LRP1: variants seen among roughly 807,000 people sequenced by gnomAD.
LRP1 encodes the protein LDL receptor related protein 1.
A neutral mutation model predicts 541.5 loss-of-function variants in LRP1; 51 were observed. That is an observed-to-expected ratio of 0.09 (90% CI 0.08 to 0.12). The LOEUF is 0.12. Among genes scored for constraint, LRP1 ranks in the 10% least tolerant of loss-of-function variants. The pLI is 1.00. For missense variants in LRP1, 3,878 were observed against 6,376.2 expected, an observed-to-expected ratio of 0.61 and a Z score of 13.34; for synonymous variants, 2,219 against 2,470.8, an observed-to-expected ratio of 0.90 and a Z score of 3.02.
chr12:57,198,748 T>C, intron 60 of LRP1, 78 bp downstream of exon 60: 1 of 1,382,778 alleles, frequency 7.2e-7, no homozygotes, highest in Non-Finnish European at 9.9e-7. Context: ...GGATCAAGTT[T>C]TGGGGGCAAG....
intron 4 of LRP1, among the ~76,000 whole-genome samples, chr12:57,144,297 A>G (rs993691553): frequency 2.4e-4 from 37 of 152,286 alleles, no homozygotes; most frequent in African/African-American, 8.2e-4. Context: ...AGTATGTTCC[A>G]CAATTTTTTT....
At chr12:57,151,225 G>A (rs1487346503) in intron 6 of LRP1, among the ~76,000 whole-genome samples, 1 of 152,160 alleles carries the variant, frequency 6.6e-6, no homozygotes, top group African/African-American at 2.4e-5. Flanking sequence ...GAGAAAAGCT[G>A]GAGTTGTAGT....
intron 22 of LRP1, 87 bp from the exon 23 acceptor site, chr12:57,175,373 C>T (rs1056067838): frequency 6.5e-7 from 1 of 1,535,726 alleles, no homozygotes; most frequent in Non-Finnish European, 8.9e-7. Context: ...GTCCAGGCTG[C>T]CCAGGACTTG....
intron 42 of LRP1, among the ~76,000 whole-genome samples, chr12:57,188,983 G>A (rs780962711): frequency 1.2e-4 from 19 of 152,218 alleles, no homozygotes; most frequent in Non-Finnish European, 1.9e-4. Context: ...GAAGGAGCCA[G>A]TGTGGACCCC....
Position 57,185,410 on chromosome 12 carries a change from G to T in LRP1, c.6464-121G>T. 9 of 1,362,132 alleles carry T rather than the reference G, an allele frequency of 6.6e-6. No individual in the cohort carries two copies. The highest frequency in any genetic ancestry group is 2.4e-5 in the East Asian group (1 of 41,032). The allele number at this position is 1,362,132 out of a possible 1,614,324, so 84.4% of individuals were successfully genotyped here. ...TGGCATTGGACTCTGGGCCCTGGAGGGTCATTCAAGCTGGGAATACCGAGG... is the reference window on the plus strand; with the variant it reads ...TGGCATTGGACTCTGGGCCCTGGAGTGTCATTCAAGCTGGGAATACCGAGG... On this transcript the variant is annotated intron_variant, in intron 40 of 88. Transcript: ENST00000243077. This position sits in a 1 kb window ranked among gnomAD's most constrained non-coding sequence, Gnocchi z 4.9.
Position 57,201,181 on chromosome 12 carries a change from G to A in LRP1, c.10345+28G>A. ...GAGTGTCAGAGGTGGTGGTGGGCCG[G>A]TGGTGGGAGATGACACGGAAGCAGG... On this transcript the variant is annotated intron_variant, in intron 65 of 88. Coordinates refer to ENST00000243077, the MANE Select transcript of LRP1 (RefSeq NM_002332.3). This position sits in a 1 kb window ranked among gnomAD's most constrained non-coding sequence, Gnocchi z 6.4. The A allele has an allele frequency of 6.2e-7, 1 of 1,612,502 alleles. No homozygotes were observed. The highest frequency in any genetic ancestry group is 1.1e-5 in the South Asian group (1 of 91,020).
chr12:57,192,517 T>A (rs2036434943), intron 44 of LRP1, among the ~76,000 whole-genome samples: 1 of 152,102 alleles, frequency 6.6e-6, no homozygotes, highest in African/African-American at 2.4e-5. Context: ...CTTTCCCAGG[T>A]GTCTCCCATG....
Position 57,162,264 on chromosome 12 carries a change from A to C in LRP1, c.2203-53A>C. ...TGAATGTACAAAACAGTGATCTCACAGGCCTCCCTCAATTTTCTTCCAACT... is the reference window on the plus strand; with the variant it reads ...TGAATGTACAAAACAGTGATCTCACCGGCCTCCCTCAATTTTCTTCCAACT... On this transcript the variant is annotated intron_variant, in intron 13 of 88. Coordinates refer to ENST00000243077, the MANE Select transcript of LRP1 (RefSeq NM_002332.3). This position sits in a 1 kb window ranked among gnomAD's most constrained non-coding sequence, Gnocchi z 5.2. 7.0e-7 allele frequency: 1 copy of C among 1,432,860 alleles called. No individual in the cohort carries two copies. The highest frequency in any genetic ancestry group is 9.8e-7 in the Non-Finnish European group (1 of 1,016,420). The allele number at this position is 1,432,860 out of a possible 1,614,324, so 88.8% of individuals were successfully genotyped here. A position where few individuals can be genotyped will look rare whatever the true frequency, so the allele number is the denominator to read the frequency against.
intron 1 of LRP1, among the ~76,000 whole-genome samples, chr12:57,134,906 C>T (rs755592064): frequency 9.9e-5 from 15 of 152,178 alleles, no homozygotes; most frequent in Admixed American, 7.2e-4. Flanking sequence ...GGGGTTTCAC[C>T]GCGTTAGCCA....
At chr12:57,146,719 C>G (rs886298909) in intron 6 of LRP1, 1 of 152,370 alleles carries the variant, frequency 6.6e-6, no homozygotes, top group Non-Finnish European at 1.5e-5. Flanking sequence ...CTGTCCACAG[C>G]TCACCTGTGA....
At chr12:57,137,383 A>G (rs1005211280) in intron 1 of LRP1, among the ~76,000 whole-genome samples, 2 of 152,164 alleles carry the variant, frequency 1.3e-5, no homozygotes, top group Non-Finnish European at 2.9e-5. Flanking sequence ...TATAGTAGCT[A>G]ACTAGTTGGA....
chr12:57,185,577 C>T lies in LRP1; in HGVS notation c.6510C>T (p.Cys2170=). The change falls in exon 41 of 89, where the codon TGC becomes TGT. Residue 2170 remains cysteine (C), a synonymous_variant. Transcript: ENST00000243077. The surrounding 1 kb of genome is among the most constrained non-coding windows in gnomAD (Gnocchi z 4.9). ...CCAATGGCGGGTGCCAGCAGCTGTGCCTGTACCGGGGCCGTGGGCAGCGGG... is the reference window on the plus strand; with the variant it reads ...CCAATGGCGGGTGCCAGCAGCTGTGTCTGTACCGGGGCCGTGGGCAGCGGG... ...AVANGGCQQL[C]LYRGRGQRAC... is the part of the protein sequence containing the mutation. 1 of 1,600,246 alleles carries T rather than the reference C, an allele frequency of 6.2e-7. No individual in the cohort carries two copies. The highest frequency in any genetic ancestry group is 8.5e-7 in the Non-Finnish European group (1 of 1,174,170).
Position 57,200,535 on chromosome 12 carries a change from C to A in LRP1, c.10108C>A (p.Pro3370Thr). 6.2e-7 allele frequency: 1 copy of A among 1,613,244 alleles called. No homozygotes were observed. Among genetic ancestry groups the A allele is most frequent in the African/African-American group, 1.3e-5 (1 of 75,028 alleles). Reference protein sequence around the residue: ...GDHSDEPPDCPEFKCRPGQFQ... With the variant: ...GDHSDEPPDCTEFKCRPGQFQ... ...CCACTCAGACGAGCCCCCGGACTGC[C>A]GTGAGTGCCTGCTGGGGGTGACAGG... is the stretch of plus-strand genomic sequence containing the variant. Residue 3370 changes from proline (P) to threonine (T), a missense_variant and splice_region_variant, in exon 63 of 89, where the codon CCT (proline) becomes ACT (threonine). By Grantham distance (38) the Pro-to-Thr change is conservative. Transcript: ENST00000243077.
Position 57,175,514 on chromosome 12 carries a change from G to T in LRP1, c.3602G>T (p.Gly1201Val). The T allele has an allele frequency of 1.2e-6, 2 of 1,614,096 alleles. No homozygotes were observed. Among genetic ancestry groups the T allele is most frequent in the Non-Finnish European group, 1.7e-6 (2 of 1,180,024 alleles). ...AGCCACAACTGCTCAGTGGCACCTGGCGAAGGCATTGTGTGTTCCTGCCCT... is the reference window on the plus strand; with the variant it reads ...AGCCACAACTGCTCAGTGGCACCTGTCGAAGGCATTGTGTGTTCCTGCCCT... ...GCSHNCSVAPGEGIVCSCPLG... is the reference protein window; with the variant it reads ...GCSHNCSVAPVEGIVCSCPLG... The change falls in exon 23 of 89, where the codon GGC becomes GTC. Residue 1201 changes from glycine (G) to valine (V), a missense_variant. Coordinates refer to ENST00000243077, the MANE Select transcript of LRP1 (RefSeq NM_002332.3).
At position 57,185,034 on chromosome 12, in the gene LRP1, C is replaced by T; in HGVS notation, c.6338+44C>T. ...GCCTCCTCAGCTGATCTCTTCCTTC[C>T]CTCCTGCCTCCACTGATGCCCTGCT... On this transcript the variant is annotated intron_variant, in intron 39 of 88. Transcript: ENST00000243077. The surrounding 1 kb of genome is among the most constrained non-coding windows in gnomAD (Gnocchi z 4.9). 6.2e-7 allele frequency: 1 copy of T among 1,613,874 alleles called. No homozygotes were observed. The highest frequency in any genetic ancestry group is 8.5e-7 in the Non-Finnish European group (1 of 1,179,806).
chr12:57,145,499 C>T lies in LRP1; in HGVS notation c.841+9C>T, dbSNP rs755877311. ...CTCCCTCAGTCTGCACCGTGAGTCA[C>T]CTGCTCTCAGCTTGGAGGGCTGGGG... On this transcript the variant is annotated intron_variant, in intron 6 of 88. Coordinates refer to ENST00000243077, the MANE Select transcript of LRP1 (RefSeq NM_002332.3). 12 of 1,611,230 alleles carry T rather than the reference C, an allele frequency of 7.4e-6. No homozygotes were observed. The highest frequency in any genetic ancestry group is 1.0e-5 in the Non-Finnish European group (12 of 1,178,768).
At chr12:57,180,570 C>T in intron 32 of LRP1, 91 bp downstream of exon 32, 1 of 1,606,748 alleles carries the variant, frequency 6.2e-7, no homozygotes, top group Non-Finnish European at 8.5e-7. Context: ...AGTCTCTCAC[C>T]ATGTGGGGCG....
Position 57,211,108 on chromosome 12 carries a change from C to G in LRP1, c.12917-68C>G. The G allele has an allele frequency of 1.9e-6, 3 of 1,545,744 alleles. No individual in the cohort carries two copies. Among genetic ancestry groups the G allele is most frequent in the Non-Finnish European group, 2.7e-6 (3 of 1,128,804 alleles). ...CCAAGATTATGCAAACAGAAAAGCT[C>G]TGTTCAACCTATGGAGAGCCCTCAT... On this transcript the variant is annotated intron_variant, in intron 83 of 88. Transcript: ENST00000243077. This position sits in a 1 kb window ranked among gnomAD's most constrained non-coding sequence, Gnocchi z 4.3.
Position 57,197,541 on chromosome 12 carries a change from C to G in LRP1, c.9163-4C>G, listed in dbSNP as rs779996316. 6 of 1,614,134 alleles carry G rather than the reference C, an allele frequency of 3.7e-6. No individual in the cohort carries two copies. In the East Asian group the frequency reaches 8.9e-5, roughly 24 times the overall value. ...TTCTGCTGTCCTTCACTCCCCAAAT[C>G]CAGGGCCTGAACAACGCCGTTGCCT... is the stretch of plus-strand genomic sequence containing the variant. On this transcript the variant is annotated splice_polypyrimidine_tract_variant and splice_region_variant and intron_variant, in intron 57 of 88. Transcript: ENST00000243077. The surrounding 1 kb of genome is among the most constrained non-coding windows in gnomAD (Gnocchi z 4.5).
Sources: allele counts gnomAD v4.1 joint callset (sites outside exome capture counted in the v4.1 genomes callset), GRCh38; gene constraint gnomAD v4.1.1; non-coding constraint Gnocchi (gnomAD v3.1); transcripts MANE v1.5; gene names NCBI Gene and HGNC (gene_info 2026-07-23, HGNC 2026-07-21).